The following NEDD4L variants were observed in gnomAD, a reference collection of about 807,000 sequenced individuals.
NEDD4L encodes NEDD4 like E3 ubiquitin protein ligase.
A neutral mutation model predicts 148.9 loss-of-function variants in NEDD4L; 54 were observed. The ratio of observed to expected loss-of-function variants is 0.36; its 90% CI spans 0.29 to 0.45. The LOEUF is 0.45. Among genes scored for constraint, NEDD4L ranks in the 20% least tolerant of loss-of-function variants. The pLI is 1.00. For missense variants in NEDD4L, 856 were observed against 1,233.8 expected, an observed-to-expected ratio of 0.69 and a Z score of 4.59; for synonymous variants, 433 against 440.7, an observed-to-expected ratio of 0.98 and a Z score of 0.22.
At chr18:58,289,020 T>G (rs1329497733) in intron 5 of NEDD4L, among the ~76,000 whole-genome samples, 1 of 152,164 alleles carries the variant, frequency 6.6e-6, no homozygotes, top group East Asian at 1.9e-4. Flanking sequence ...TTCTGAGAAT[T>G]TAAGTGTTTC....
intron 5 of NEDD4L, among the ~76,000 whole-genome samples, chr18:58,296,696 T>C (rs1486140151): frequency 6.6e-6 from 1 of 151,698 alleles, no homozygotes; most frequent in Admixed American, 6.6e-5. Flanking sequence ...CTGAGGCAGG[T>C]GGATCACCTG....
chr18:58,317,127 G>A (rs2058358867), intron 6 of NEDD4L, among the ~76,000 whole-genome samples: 1 of 152,210 alleles, frequency 6.6e-6, no homozygotes, highest in South Asian at 2.1e-4. Flanking sequence ...GAAGAAAGTC[G>A]CAAGGTTCCA....
intron 25 of NEDD4L, among the ~76,000 whole-genome samples, chr18:58,384,314 T>C (rs1251000255): frequency 6.6e-6 from 1 of 152,224 alleles, no homozygotes; most frequent in Non-Finnish European, 1.5e-5. Flanking sequence ...TGGCGGACTC[T>C]TTTCACTCTC....
intron 1 of NEDD4L, among the ~76,000 whole-genome samples, chr18:58,133,609 T>C (rs1203685989): frequency 2.0e-5 from 3 of 152,194 alleles, no homozygotes; most frequent in African/African-American, 7.2e-5. Flanking sequence ...TTTTTCTTAA[T>C]ATAGTAATAC....
chr18:58,221,773 C>T (rs749934661), intron 2 of NEDD4L: 173 of 949,588 alleles, frequency 1.8e-4, no homozygotes, highest in Non-Finnish European at 2.1e-4. Context: ...AACAAAGACA[C>T]CACTGTATGT....
chr18:58,361,290 G>C (rs2045438427), intron 19 of NEDD4L, among the ~76,000 whole-genome samples: 2 of 152,178 alleles, frequency 1.3e-5, no homozygotes, highest in Admixed American at 1.3e-4. Flanking sequence ...TTTAGGGAGA[G>C]GGGACCCTTT....
At chr18:58,045,557 A>G (rs2081539333) in intron 1 of NEDD4L, 1 of 155,500 alleles carries the variant, frequency 6.4e-6, no homozygotes, top group Non-Finnish European at 1.4e-5. Flanking sequence ...CCCTTTTGAA[A>G]CAATCCTGCT....
At chr18:58,376,461 A>G (rs2047572372) in intron 24 of NEDD4L, among the ~76,000 whole-genome samples, 2 of 152,234 alleles carry the variant, frequency 1.3e-5, no homozygotes, top group Middle Eastern at 3.4e-3. Context: ...TCACGTATTT[A>G]TTTTGCACTC....
intron 2 of NEDD4L, among the ~76,000 whole-genome samples, chr18:58,240,122 T>C (rs1372761165): frequency 2.0e-5 from 3 of 152,202 alleles, no homozygotes; most frequent in Non-Finnish European, 2.9e-5. Flanking sequence ...AGCCATTGAT[T>C]TCATGCACAA....
chr18:58,175,118 C>T lies in NEDD4L; in HGVS notation c.122+9257C>T, dbSNP rs115816409. The stretch of plus-strand genomic sequence containing the variant: ...TTATTTGGCCTGTGGAGCACTGAAA[C>T]AAAAAAATGCAAATCCTGAGCCAAC... On this transcript the variant is annotated intron_variant, in intron 2 of 30. Coordinates refer to ENST00000400345, the MANE Select transcript of NEDD4L (RefSeq NM_001144967.3). Among the ~76,000 whole-genome samples the T allele has an allele frequency of 5.3e-3, 738 of 140,082 alleles. 5 individuals are homozygous for T. Among genetic ancestry groups the T allele is most frequent in the African/African-American group, 0.019 (681 of 35,138 alleles). 91.9% of individuals were successfully genotyped at this position (140,082 alleles called of 152,430 possible). A position where few individuals can be genotyped will look rare whatever the true frequency, so the allele number is the denominator to read the frequency against.
intron 1 of NEDD4L, among the ~76,000 whole-genome samples, chr18:58,107,490 G>A (rs1009854541): frequency 6.6e-6 from 1 of 152,174 alleles, no homozygotes; most frequent in Non-Finnish European, 1.5e-5. Context: ...GGCCGAGGCT[G>A]GCAGATCACT....
At chr18:58,120,704 T>C (rs564975) in intron 1 of NEDD4L, among the ~76,000 whole-genome samples, 19,509 of 152,142 alleles carry the variant, frequency 0.13, 1,276 homozygotes, top group South Asian at 0.24. Flanking sequence ...GGCATGAACC[T>C]GGGAGGCGGA....
At chr18:58,244,581 TTAATC>T (rs2047019097) in intron 2 of NEDD4L, among the ~76,000 whole-genome samples, 1 of 152,366 alleles carries the variant, frequency 6.6e-6, no homozygotes, top group South Asian at 2.1e-4. Context: ...AACCTGAACT[TTAATC>T]TAGACTACTC....
chr18:58,187,215 A>G (rs748453872), intron 2 of NEDD4L, among the ~76,000 whole-genome samples: 2 of 152,134 alleles, frequency 1.3e-5, no homozygotes, highest in African/African-American at 2.4e-5. Context: ...GTCTGCTTCA[A>G]ATGAGCTGGC....
chr18:58,176,512 T>G (rs48000), intron 2 of NEDD4L, among the ~76,000 whole-genome samples: 1 of 151,902 alleles, frequency 6.6e-6, no homozygotes. Flanking sequence ...TTTTAAAAAT[T>G]TTTATAGAGG....
At chr18:58,074,574 C>CT (rs1279980764) in intron 1 of NEDD4L, among the ~76,000 whole-genome samples, 2 of 151,134 alleles carry the variant, frequency 1.3e-5, no homozygotes, top group East Asian at 3.9e-4. Flanking sequence ...TGTCTGGCCA[C>CT]TAAGAATTTT....
At chr18:58,272,837 C>G (rs1409968768) in intron 5 of NEDD4L, among the ~76,000 whole-genome samples, 1 of 152,106 alleles carries the variant, frequency 6.6e-6, no homozygotes, top group Admixed American at 6.5e-5. Context: ...TGGCCCCTGC[C>G]CTTGTGGAGA....
Position 58,396,390 on chromosome 18 carries a change from C to T in NEDD4L, c.*121C>T, listed in dbSNP as rs902182899. On this transcript the variant is annotated 3_prime_UTR_variant, in exon 31 of 31. Coordinates refer to ENST00000400345, the MANE Select transcript of NEDD4L (RefSeq NM_001144967.3). ...CAGCTGCAGGCATGGTCCCTGGAGC[C>T]GAGCCTTCACCACGCACTCGTCCAA... The T allele has an allele frequency of 9.1e-6, 6 of 658,890 alleles. No individual in the cohort carries two copies. The highest frequency in any genetic ancestry group is 2.9e-5 in the East Asian group (1 of 33,914). 40.8% of individuals were successfully genotyped at this position (658,890 alleles called of 1,614,324 possible).
chr18:58,205,567 G>A (rs1358966299), intron 2 of NEDD4L, among the ~76,000 whole-genome samples: 3 of 151,832 alleles, frequency 2.0e-5, no homozygotes, highest in African/African-American at 7.3e-5. Flanking sequence ...TAGGGACTGT[G>A]GAGTGTGTCA....
Sources: gnomAD v4.1 joint callset for allele counts (sites outside exome capture counted in the v4.1 genomes callset) on GRCh38, gnomAD v4.1.1 for gene constraint, MANE v1.5 for transcripts, NCBI Gene and HGNC (gene_info 2026-07-23, HGNC 2026-07-21) for gene names.